WWOX: variants seen among roughly 807,000 people sequenced by gnomAD.
The protein encoded by WWOX is WW domain containing oxidoreductase.
WWOX carries 69 observed loss-of-function variants against 46.2 expected under a neutral mutation model. The observed-to-expected ratio is 1.49, with a 90% CI of 1.23 to 1.82. The LOEUF is 1.82. Among genes scored for constraint, WWOX ranks in the 40% most tolerant of loss-of-function variants. The pLI, the probability that WWOX is intolerant of heterozygous loss-of-function variation, is 0.00. For synonymous variants in WWOX, 359 were observed against 202.6 expected, an observed-to-expected ratio of 1.77 and a Z score of -6.56; for missense variants, 919 against 542.6, an observed-to-expected ratio of 1.69 and a Z score of -6.89.
intron 6 of WWOX, among the ~76,000 whole-genome samples, chr16:78,396,645 G>T (rs1169931768): frequency 3.9e-5 from 6 of 152,104 alleles, no homozygotes; most frequent in Non-Finnish European, 1.5e-5. Flanking sequence ...AATTATTGTT[G>T]GTGTTAAATA....
At chr16:78,686,069 G>C (rs1003940281) in intron 8 of WWOX, among the ~76,000 whole-genome samples, 21 of 152,188 alleles carry the variant, frequency 1.4e-4, no homozygotes, top group Non-Finnish European at 3.1e-4. Flanking sequence ...AGTGCAAGTA[G>C]ATTTGGGATC....
intron 8 of WWOX, among the ~76,000 whole-genome samples, chr16:79,173,939 C>G (rs1033119088): frequency 2.5e-4 from 38 of 152,138 alleles, no homozygotes; most frequent in African/African-American, 8.0e-4. Context: ...TAATGTGTTG[C>G]ACAGCCTTTA....
chr16:78,999,546 T>C (rs187738932), intron 8 of WWOX, among the ~76,000 whole-genome samples: 95 of 152,194 alleles, frequency 6.2e-4, no homozygotes, highest in Non-Finnish European at 1.1e-3. Context: ...AATCTAGACA[T>C]CAGCGATTCA....
chr16:78,194,121 G>A (rs1382663343), intron 5 of WWOX, among the ~76,000 whole-genome samples: 5 of 151,556 alleles, frequency 3.3e-5, no homozygotes, highest in East Asian at 2.0e-4. Flanking sequence ...CTCGTGATCC[G>A]TCCGCCTCGG....
At chr16:78,541,271 G>C (rs866453344) in intron 8 of WWOX, among the ~76,000 whole-genome samples, 1 of 151,120 alleles carries the variant, frequency 6.6e-6, no homozygotes, top group Non-Finnish European at 1.5e-5. Flanking sequence ...TCAGGAGATC[G>C]AGACCATCCC....
intron 8 of WWOX, among the ~76,000 whole-genome samples, chr16:79,193,971 A>G (rs1289706759): frequency 6.6e-6 from 1 of 152,126 alleles, no homozygotes; most frequent in East Asian, 1.9e-4. Context: ...AATTGTGTAG[A>G]TTTGCACATG....
At chr16:78,972,662 G>T (rs1025302066) in intron 8 of WWOX, among the ~76,000 whole-genome samples, 1 of 152,184 alleles carries the variant, frequency 6.6e-6, no homozygotes, top group East Asian at 1.9e-4. Context: ...TTCAACTGCA[G>T]AGCCTATTTT....
chr16:79,023,454 T>G (rs2047575402), intron 8 of WWOX, among the ~76,000 whole-genome samples: 1 of 152,146 alleles, frequency 6.6e-6, no homozygotes, highest in East Asian at 1.9e-4. Context: ...AGACTGGGGA[T>G]GTTCATCACA....
Position 78,942,241 on chromosome 16 carries a change from G to A in WWOX, c.1057-269367G>A, listed in dbSNP as rs529512077. Among the ~76,000 whole-genome samples, 76 of 152,206 alleles carry A rather than the reference G, an allele frequency of 5.0e-4. No homozygotes were observed. The South Asian group carries it at 0.014, about 29-fold the overall frequency. On this transcript the variant is annotated intron_variant, in intron 8 of 8. Transcript: ENST00000566780. ...TAGTCAATTCCCTTTAAAGTAGTAG[G>A]CTTCTTAAATAATTCTAGTTGTTCC...
intron 8 of WWOX, among the ~76,000 whole-genome samples, chr16:79,179,696 T>C (rs997656036): frequency 6.6e-6 from 1 of 152,314 alleles, no homozygotes; most frequent in East Asian, 1.9e-4. Context: ...ACCAGATCCT[T>C]CTTTAGTTGG....
intron 5 of WWOX, among the ~76,000 whole-genome samples, chr16:78,229,971 TG>T (rs2037199073): frequency 6.6e-6 from 1 of 152,040 alleles, no homozygotes; most frequent in Admixed American, 6.6e-5. Flanking sequence ...CCTCGACCTC[TG>T]GGGCTCAAGC....
chr16:79,020,306 C>A (rs1341473065), intron 8 of WWOX, among the ~76,000 whole-genome samples: 2 of 152,140 alleles, frequency 1.3e-5, no homozygotes, highest in Non-Finnish European at 2.9e-5. Context: ...AGGGAGGTGA[C>A]TTTTTAAGGG....
At chr16:78,584,409 G>C (rs1227593797) in intron 8 of WWOX, among the ~76,000 whole-genome samples, 1 of 152,174 alleles carries the variant, frequency 6.6e-6, no homozygotes, top group Non-Finnish European at 1.5e-5. Context: ...TTCGCAACAC[G>C]TCGCTTAATC....
chr16:78,685,573 A>G (rs774996409), intron 8 of WWOX, among the ~76,000 whole-genome samples: 60 of 152,364 alleles, frequency 3.9e-4, no homozygotes, highest in Middle Eastern at 3.4e-3. Context: ...AATCTAGTCA[A>G]TCTGCCAGCA....
chr16:78,116,252 T>C (rs2032785003), intron 4 of WWOX, among the ~76,000 whole-genome samples: 1 of 152,224 alleles, frequency 6.6e-6, no homozygotes, highest in Non-Finnish European at 1.5e-5. Flanking sequence ...ATTCTTTCTT[T>C]CTATCTTTTT....
chr16:78,364,521 C>T (rs1046331038), intron 5 of WWOX, among the ~76,000 whole-genome samples: 15 of 151,502 alleles, frequency 9.9e-5, no homozygotes, highest in African/African-American at 3.6e-4. Context: ...TTGTTTTCTC[C>T]CTGCAACAAA....
At chr16:78,206,243 C>G (rs2036391838) in intron 5 of WWOX, among the ~76,000 whole-genome samples, 1 of 151,936 alleles carries the variant, frequency 6.6e-6, no homozygotes, top group Non-Finnish European at 1.5e-5. Flanking sequence ...AATATCAATC[C>G]AGAATGAAAA....
intron 8 of WWOX, among the ~76,000 whole-genome samples, chr16:78,771,993 G>A (rs940955912): frequency 2.6e-5 from 4 of 152,154 alleles, no homozygotes; most frequent in African/African-American, 9.7e-5. Context: ...GGGATTATTA[G>A]TGTATATGTG....
intron 8 of WWOX, among the ~76,000 whole-genome samples, chr16:79,141,544 G>C (rs2150715631): frequency 6.6e-6 from 1 of 152,370 alleles, no homozygotes; most frequent in East Asian, 1.9e-4. Context: ...TAATCGGAAG[G>C]AAGTTTTACC....
Sources: gnomAD v4.1 joint callset for allele counts (sites outside exome capture counted in the v4.1 genomes callset) on GRCh38, gnomAD v4.1.1 for gene constraint, MANE v1.5 for transcripts, NCBI Gene and HGNC (gene_info 2026-07-23, HGNC 2026-07-21) for gene names.